The following TMEM243 variants were observed in gnomAD, a reference collection of about 807,000 sequenced individuals.
The protein encoded by TMEM243 is transmembrane protein 243.
Under a neutral mutation model 15.0 loss-of-function variants are expected in TMEM243, and 20 were observed. The observed-to-expected ratio is 1.33, with a 90% CI of 0.94 to 1.93. The LOEUF is 1.93. Ranked by LOEUF, TMEM243 falls within the 30% of genes most tolerant of loss-of-function variation. The pLI is 0.00. For synonymous variants in TMEM243, 72 were observed against 52.7 expected (o/e 1.37, Z -1.59); for missense variants, 156 against 142.1 (o/e 1.10, Z -0.50).
chr7:87,198,060 A>G lies in TMEM243; in HGVS notation c.130-15T>C. The G allele has an allele frequency of 6.2e-7, 1 of 1,605,524 alleles. No individual in the cohort carries two copies. The highest frequency in any genetic ancestry group is 2.2e-5 in the East Asian group (1 of 44,744). On this transcript the variant is annotated splice_polypyrimidine_tract_variant and intron_variant, in intron 2 of 3. Transcript: ENST00000257637. ...ATCAGCGTTACCTGTATGAAGAGAA[A>G]TTATGTAAGGCCTTAACAGTAATTC...
chr7:87,204,141 T>C (rs1163965502), intron 1 of TMEM243, among the ~76,000 whole-genome samples: 10 of 152,196 alleles, frequency 6.6e-5, no homozygotes, highest in Non-Finnish European at 1.0e-4. Context: ...AAACCCCTTA[T>C]AAAATCATCA....
intron 1 of TMEM243, among the ~76,000 whole-genome samples, chr7:87,217,245 T>C (rs1803179409): frequency 6.6e-6 from 1 of 152,254 alleles, no homozygotes; most frequent in African/African-American, 2.4e-5. Context: ...TGTAGTTCAC[T>C]AACAGCAAGT....
chr7:87,214,801 G>T (rs1173928771), intron 1 of TMEM243, among the ~76,000 whole-genome samples: 1 of 152,090 alleles, frequency 6.6e-6, no homozygotes, highest in Non-Finnish European at 1.5e-5. Context: ...TTCGGGCTTT[G>T]GAATATTTAC....
At chr7:87,201,479 T>C (rs1441102839) in intron 1 of TMEM243, among the ~76,000 whole-genome samples, 1 of 152,196 alleles carries the variant, frequency 6.6e-6, no homozygotes, top group Non-Finnish European at 1.5e-5. Context: ...TTTTTAAATA[T>C]TAAGTTCAAA....
At position 87,198,042 on chromosome 7, in the gene TMEM243, T is replaced by C. The variant is rs1353609875; in HGVS notation, c.133A>G (p.Thr45Ala). 2.5e-6 allele frequency: 4 copies of C among 1,611,902 alleles called. No individual in the cohort carries two copies. Among genetic ancestry groups the C allele is most frequent in the East Asian group, 2.2e-5 (1 of 44,776 alleles). Residue 45 changes from threonine (T) to alanine (A), a missense_variant, in exon 3 of 4, where the codon ACG becomes GCG. Physicochemically the swap from Thr to Ala is moderately conservative, Grantham distance 58 (BLOSUM62 0). Coordinates refer to ENST00000257637, the MANE Select transcript of TMEM243 (RefSeq NM_024315.4). ...GSLTSLLILV[T>A]LISAFVFPQL... ...GGGAAAACAAAAGCACTTATCAGCG[T>C]TACCTGTATGAAGAGAAATTATGTA...
intron 1 of TMEM243, among the ~76,000 whole-genome samples, chr7:87,203,804 G>A (rs1002935582): frequency 6.6e-6 from 1 of 151,890 alleles, no homozygotes; most frequent in Non-Finnish European, 1.5e-5. Context: ...ACAAATCTAG[G>A]TACACAGAAA....
intron 2 of TMEM243, chr7:87,198,466 A>C (rs981826126): frequency 3.0e-5 from 5 of 167,874 alleles, no homozygotes; most frequent in Non-Finnish European, 6.3e-5. Context: ...TGTTTCTAAC[A>C]GATGCAGCAT....
At position 87,199,094 on chromosome 7, in the gene TMEM243, G is replaced by T. The variant is rs769747825; in HGVS notation, c.79-37C>A. 1.9e-6 allele frequency: 3 copies of T among 1,562,214 alleles called. No homozygotes were observed. The South Asian group carries it at 3.5e-5, about 18-fold the overall frequency. ...AAGAATTTTTAAGCCATATGACTTG[G>T]ATCCATGTTACCTTCAGTATAGTAC... is the stretch of plus-strand genomic sequence containing the variant. On this transcript the variant is annotated intron_variant, in intron 1 of 3. Coordinates refer to ENST00000257637, the MANE Select transcript of TMEM243 (RefSeq NM_024315.4).
intron 1 of TMEM243, among the ~76,000 whole-genome samples, chr7:87,217,340 G>A (rs1803185116): frequency 6.6e-6 from 1 of 152,194 alleles, no homozygotes; most frequent in South Asian, 2.1e-4. Context: ...CAAGGGATGG[G>A]TTTCTCAGTG....
chr7:87,211,233 C>T (rs1258409689), intron 1 of TMEM243, among the ~76,000 whole-genome samples: 1 of 152,206 alleles, frequency 6.6e-6, no homozygotes, highest in Non-Finnish European at 1.5e-5. Flanking sequence ...TACCTCCAGG[C>T]ACTTTGTTCT....
chr7:87,208,847 C>A (rs1802409752), intron 1 of TMEM243, among the ~76,000 whole-genome samples: 1 of 152,256 alleles, frequency 6.6e-6, no homozygotes, highest in South Asian at 2.1e-4. Context: ...CTCCCACTAC[C>A]CAGGGTGTAA....
intron 1 of TMEM243, among the ~76,000 whole-genome samples, chr7:87,203,299 T>TG (rs201313156): frequency 5.9e-4 from 90 of 151,862 alleles, no homozygotes; most frequent in South Asian, 3.3e-3. Context: ...AATGGTGGAA[T>TG]GGGGGGGAAA....
rs1803354892 is a variant in TMEM243, at chr7:87,219,581, C to T, written c.-78G>A. ...TCCCGAGGTCTCAGGTCCACGACTG[C>T]AAGCCTCCTCCTCACGGCTCCCGCA... On this transcript the variant is annotated 5_prime_UTR_variant, in exon 1 of 4. Transcript: ENST00000257637. 3 of 1,303,380 alleles carry T rather than the reference C, an allele frequency of 2.3e-6. No individual in the cohort carries two copies. The highest frequency in any genetic ancestry group is 3.3e-6 in the Non-Finnish European group (3 of 909,402). 80.7% of individuals were successfully genotyped at this position (1,303,380 alleles called of 1,614,324 possible).
rs1161710877 is a variant in TMEM243 at position 87,196,689 on chromosome 7, T to C, written c.304A>G (p.Ile102Val). The change falls in exon 4 of 4, where the codon ATC becomes GTC. Residue 102 changes from isoleucine (I) to valine (V), a missense_variant. Transcript: ENST00000257637. ...TTTGCACATATACACAACATGATGATAGAAAATATGATATAGTAAATTAGC... is the reference window on the plus strand; with the variant it reads ...TTTGCACATATACACAACATGATGACAGAAAATATGATATAGTAAATTAGC... Reference protein sequence around the residue: ...RKLIYYIIFSIIMLCICANLY... With the variant: ...RKLIYYIIFSVIMLCICANLY... 2.5e-6 allele frequency: 4 copies of C among 1,610,140 alleles called. No individual in the cohort carries two copies. Among genetic ancestry groups the C allele is most frequent in the Non-Finnish European group, 3.4e-6 (4 of 1,178,046 alleles).
intron 1 of TMEM243, chr7:87,218,647 G>A (rs1375495779): frequency 6.6e-6 from 1 of 151,834 alleles, no homozygotes; most frequent in African/African-American, 2.4e-5. Flanking sequence ...GATTGGAGAA[G>A]GAGCAAAGAA....
chr7:87,215,420 A>G (rs1473629363), intron 1 of TMEM243, among the ~76,000 whole-genome samples: 4 of 152,298 alleles, frequency 2.6e-5, no homozygotes, highest in Non-Finnish European at 5.9e-5. Context: ...TTTTTTTTAA[A>G]TATTGATTAT....
intron 1 of TMEM243, among the ~76,000 whole-genome samples, chr7:87,209,612 CAGAGAGAG>C (rs376909609): frequency 1.8e-5 from 2 of 113,594 alleles, no homozygotes; most frequent in Non-Finnish European, 3.8e-5. Flanking sequence ...GAGAGAGAGA[CAGAGAGAG>C]AGACTGAGAT....
chr7:87,197,799 G>T (rs1190355175), intron 3 of TMEM243, 142 bp downstream of exon 3: 4 of 1,485,834 alleles, frequency 2.7e-6, no homozygotes, highest in Non-Finnish European at 3.6e-6. Flanking sequence ...ATTTTATTGA[G>T]AATTCTAACA....
intron 1 of TMEM243, among the ~76,000 whole-genome samples, chr7:87,213,540 CT>C (rs1046199310): frequency 1.3e-5 from 2 of 152,224 alleles, no homozygotes; most frequent in East Asian, 1.9e-4. Flanking sequence ...GAAGGGGCTG[CT>C]GGCACAGACC....
Sources: gnomAD v4.1 joint callset for allele counts (sites outside exome capture counted in the v4.1 genomes callset) on GRCh38, gnomAD v4.1.1 for gene constraint, MANE v1.5 for transcripts, NCBI Gene and HGNC (gene_info 2026-07-23, HGNC 2026-07-21) for gene names.